The following KCNQ1 variants were observed in gnomAD, a reference collection of about 807,000 sequenced individuals.
The protein encoded by KCNQ1 is potassium voltage-gated channel subfamily Q member 1.
A neutral mutation model predicts 72.4 loss-of-function variants in KCNQ1; 49 were observed. The ratio of observed to expected loss-of-function variants is 0.68; its 90% CI spans 0.54 to 0.86. The LOEUF is 0.86. KCNQ1 is among the 40% of genes least tolerant of loss of function. KCNQ1 has a pLI of 0.00. For missense variants in KCNQ1, 790 were observed against 945.1 expected, an observed-to-expected ratio of 0.84 and a Z score of 2.15; for synonymous variants, 450 against 412.6, an observed-to-expected ratio of 1.09 and a Z score of -1.10.
intron 11 of KCNQ1, among the ~76,000 whole-genome samples, chr11:2,751,409 C>T (rs1345416229): frequency 6.6e-6 from 1 of 152,232 alleles, no homozygotes; most frequent in Non-Finnish European, 1.5e-5. Flanking sequence ...AAAGGGGAGG[C>T]AAGGCTGAGC....
chr11:2,587,870 C>G (rs1848617168), intron 9 of KCNQ1, among the ~76,000 whole-genome samples, 178 bp downstream of exon 9: 1 of 152,186 alleles, frequency 6.6e-6, no homozygotes, highest in African/African-American at 2.4e-5. Context: ...CCTGCCATCC[C>G]AATGTCCCCC....
intron 11 of KCNQ1, chr11:2,662,559 T>G (rs1017352533): frequency 5.8e-5 from 25 of 427,690 alleles, no homozygotes; most frequent in Middle Eastern, 5.9e-4. Flanking sequence ...GGCCTTCCCC[T>G]GAGGCACAGC....
rs918572117 is a variant in KCNQ1, at chr11:2,526,552, T to C, written c.387-1376T>C. On this transcript the variant is annotated intron_variant, in intron 1 of 15. Coordinates refer to ENST00000155840, the MANE Select transcript of KCNQ1 (RefSeq NM_000218.3). The surrounding 1 kb of genome is among the most constrained non-coding windows in gnomAD (Gnocchi z 6.1). ...AAAGGATTGTCCTGTCCACAGGAGC[T>C]TGGGGAAGGGGGTGGGGGGCCAGAG... Among the ~76,000 whole-genome samples the C allele has an allele frequency of 2.6e-5, 4 of 151,962 alleles. No homozygotes were observed. The highest frequency in any genetic ancestry group is 4.4e-5 in the Non-Finnish European group (3 of 67,932).
At chr11:2,646,890 G>T (rs1220833640) in intron 10 of KCNQ1, 1 of 398,412 alleles carries the variant, frequency 2.5e-6, no homozygotes, top group Non-Finnish European at 4.4e-6. Context: ...AAAGATTTTG[G>T]TGGAATCTTT....
At chr11:2,448,564 G>T (rs1004397757) in intron 1 of KCNQ1, among the ~76,000 whole-genome samples, 1 of 152,226 alleles carries the variant, frequency 6.6e-6, no homozygotes, top group Non-Finnish European at 1.5e-5. Context: ...GCAGCTGCTG[G>T]GCAGTTGTTC....
At chr11:2,573,008 A>C in intron 6 of KCNQ1, 22 bp downstream of exon 6, 1 of 1,611,020 alleles carries the variant, frequency 6.2e-7, no homozygotes, top group East Asian at 2.2e-5. Context: ...ACTTCCAGGC[A>C]TGGGGACAGG....
In KCNQ1 at chr11:2,565,748, A is replaced by G. The variant is rs998573035; in HGVS notation, c.478-4880A>G. Among the ~76,000 whole-genome samples the G allele has an allele frequency of 6.6e-6, 1 of 152,208 alleles. No homozygotes were observed. Among genetic ancestry groups the G allele is most frequent in the Non-Finnish European group, 1.5e-5 (1 of 68,030 alleles). ...ATGTGGAGTGCAGTGGCATCAGCCA[A>G]GGCTCCGAGGCGTTTCTTCCCACTT... On this transcript the variant is annotated intron_variant, in intron 2 of 15. Coordinates refer to ENST00000155840, the MANE Select transcript of KCNQ1 (RefSeq NM_000218.3). This position sits in a 1 kb window ranked among gnomAD's most constrained non-coding sequence, Gnocchi z 5.6.
At position 2,471,629 on chromosome 11, in the gene KCNQ1, T is replaced by C. The variant is rs1417369486; in HGVS notation, c.386+26145T>C. 1.3e-5 allele frequency among the ~76,000 whole-genome samples: 2 copies of C among 151,692 alleles called. No individual in the cohort carries two copies. The highest frequency in any genetic ancestry group is 2.9e-5 in the Non-Finnish European group (2 of 67,848). On this transcript the variant is annotated intron_variant, in intron 1 of 15. Transcript: ENST00000155840. The surrounding 1 kb of genome is among the most constrained non-coding windows in gnomAD (Gnocchi z 4.8). ...CTGTGTATATGGGTGTGTGCACGTA[T>C]GCACGGATGTGTGTACACATGTGTA...
In KCNQ1 at chr11:2,686,130, G is replaced by C; in HGVS notation, c.1514+24049G>C. The C allele has an allele frequency of 7.5e-6, 3 of 398,756 alleles. No individual in the cohort carries two copies. In the East Asian group the frequency reaches 1.1e-4, roughly 14 times the overall value. 24.7% of individuals were successfully genotyped at this position (398,756 alleles called of 1,614,324 possible). On this transcript the variant is annotated intron_variant, in intron 11 of 15. Transcript: ENST00000155840. ...AAAGTGTAGGCCTTTGCCCTGTCTCGCCCCCTTGCTTCTGGGGTTTGCTTC... is the reference window on the plus strand; with the variant it reads ...AAAGTGTAGGCCTTTGCCCTGTCTCCCCCCCTTGCTTCTGGGGTTTGCTTC...
chr11:2,755,236 TTTG>T (rs1194364882), intron 11 of KCNQ1, among the ~76,000 whole-genome samples: 2 of 152,124 alleles, frequency 1.3e-5, no homozygotes, highest in Non-Finnish European at 2.9e-5. Flanking sequence ...GCCTCCACTG[TTTG>T]TTGTTGTTGT....
chr11:2,589,267 G>T (rs1848639271), intron 10 of KCNQ1, among the ~76,000 whole-genome samples: 1 of 152,212 alleles, frequency 6.6e-6, no homozygotes, highest in Non-Finnish European at 1.5e-5. Context: ...GGGCCCTGGA[G>T]GAGCAGCACC....
rs535636092 is a variant in KCNQ1, at chr11:2,588,984, G to A, written c.1393+130G>A. On this transcript the variant is annotated intron_variant, in intron 10 of 15. Coordinates refer to ENST00000155840, the MANE Select transcript of KCNQ1 (RefSeq NM_000218.3). This position sits in a 1 kb window ranked among gnomAD's most constrained non-coding sequence, Gnocchi z 5.6. ...GACAACGAGGTATGAACAGACAGAG[G>A]GTGGAGCTTCTAGAAACTTCTGTAA... The A allele has an allele frequency of 3.4e-5, 38 of 1,131,632 alleles. No individual in the cohort carries two copies. The South Asian group carries it at 4.8e-4, about 14-fold the overall frequency. The allele number at this position is 1,131,632 out of a possible 1,614,324, so 70.1% of individuals were successfully genotyped here. A position where few individuals can be genotyped will look rare whatever the true frequency, so the allele number is the denominator to read the frequency against.
At chr11:2,503,982 T>C (rs956297315) in intron 1 of KCNQ1, among the ~76,000 whole-genome samples, 2 of 152,228 alleles carry the variant, frequency 1.3e-5, no homozygotes, top group Non-Finnish European at 2.9e-5. Context: ...TCTAGTTATA[T>C]ATCCAGAAGA....
chr11:2,778,743 T>G (rs1292565740), intron 15 of KCNQ1, among the ~76,000 whole-genome samples: 2 of 152,250 alleles, frequency 1.3e-5, no homozygotes, highest in Non-Finnish European at 2.9e-5. Context: ...TCCGTCTACA[T>G]GGACTTTATC....
At chr11:2,532,797 T>C (rs1207460172) in intron 2 of KCNQ1, among the ~76,000 whole-genome samples, 1 of 152,120 alleles carries the variant, frequency 6.6e-6, no homozygotes. Context: ...TCCCGAGGCT[T>C]CAGGCCTGGA....
intron 2 of KCNQ1, among the ~76,000 whole-genome samples, chr11:2,529,802 C>A (rs1245482356): frequency 1.3e-5 from 2 of 152,132 alleles, no homozygotes; most frequent in Non-Finnish European, 2.9e-5. Flanking sequence ...TACCTGCGGC[C>A]AGCGGGGCCC....
rs1197038819 is a variant in KCNQ1, at chr11:2,516,123, GT to G, written c.387-11801del. 6.6e-6 allele frequency among the ~76,000 whole-genome samples: 1 copy of G among 152,132 alleles called. No individual in the cohort carries two copies. On this transcript the variant is annotated intron_variant, in intron 1 of 15. Transcript: ENST00000155840. This position sits in a 1 kb window ranked among gnomAD's most constrained non-coding sequence, Gnocchi z 7.0. ...ACTCCAGGCTTACTTCTGGGTTGTAGTTTTCGGGGTGCTTCGAGGTGCTGTG... is the reference window on the plus strand; with the variant it reads ...ACTCCAGGCTTACTTCTGGGTTGTAGTTTCGGGGTGCTTCGAGGTGCTGTG...
chr11:2,775,400 T>C (rs1321779227), intron 12 of KCNQ1, among the ~76,000 whole-genome samples: 4 of 152,342 alleles, frequency 2.6e-5, no homozygotes, highest in African/African-American at 7.2e-5. Context: ...CCACAGCAAG[T>C]GCTGCAGGCT....
chr11:2,683,234 CAGG>C lies in KCNQ1; in HGVS notation c.1514+21156_1514+21158del, dbSNP rs1850428310. ...ATGGAACTAGAGGTGAGATACAGAG[CAGG>C]AGTCCATGGCACCTCCAGAACCTGT... On this transcript the variant is annotated intron_variant, in intron 11 of 15. Transcript: ENST00000155840. This position sits in a 1 kb window ranked among gnomAD's most constrained non-coding sequence, Gnocchi z 4.7. The C allele has an allele frequency of 5.0e-6, 2 of 398,636 alleles. No homozygotes were observed. The highest frequency in any genetic ancestry group is 8.8e-6 in the Non-Finnish European group (2 of 226,076). 24.7% of individuals were successfully genotyped at this position (398,636 alleles called of 1,614,324 possible). A position where few individuals can be genotyped will look rare whatever the true frequency, so the allele number is the denominator to read the frequency against.
Sources: allele counts gnomAD v4.1 joint callset (sites outside exome capture counted in the v4.1 genomes callset), GRCh38; gene constraint gnomAD v4.1.1; non-coding constraint Gnocchi (gnomAD v3.1); transcripts MANE v1.5; gene names NCBI Gene and HGNC (gene_info 2026-07-23, HGNC 2026-07-21).